Variants in TRMT44 observed in about 807,000 individuals in gnomAD.
The protein encoded by TRMT44 is tRNA methyltransferase 44 homolog, also known as probable tRNA (uracil-O(2)-)-methyltransferase.
A neutral mutation model predicts 77.3 loss-of-function variants in TRMT44; 78 were observed. That is an observed-to-expected ratio of 1.01 (90% CI 0.84 to 1.22). TRMT44 has a LOEUF of 1.22. Among genes scored for constraint, TRMT44 ranks in the 50% most tolerant of loss-of-function variants. The probability of loss-of-function intolerance (pLI) is 0.00; values close to 1 mark genes in which losing one functional copy is unlikely to be tolerated. For synonymous variants in TRMT44, 391 were observed against 383.3 expected (o/e 1.02, Z -0.23); for missense variants, 1,090 against 964.4 (o/e 1.13, Z -1.73).
chr4:8,488,092 A>C (rs13105907), intron 2 of TRMT44, among the ~76,000 whole-genome samples: 16,319 of 152,206 alleles, frequency 0.11, 861 homozygotes, highest in Middle Eastern at 0.13. Context: ...GTTGGAGAAG[A>C]GAGTAAAAAG....
chr4:8,487,627 G>A (rs1020106402), intron 2 of TRMT44, among the ~76,000 whole-genome samples: 22 of 151,540 alleles, frequency 1.5e-4, no homozygotes, highest in African/African-American at 3.4e-4. Flanking sequence ...ATAAGAGGTC[G>A]GGGCGTGGAA....
chr4:8,495,696 C>T (rs1177392209), downstream of TRMT44, among the ~76,000 whole-genome samples: 1 of 149,628 alleles, frequency 6.7e-6, no homozygotes, highest in East Asian at 1.9e-4. Context: ...CAGCGCACAC[C>T]CTGTCCTTGT....
intron 6 of TRMT44, among the ~76,000 whole-genome samples, chr4:8,459,921 C>T (rs763854813): frequency 8.5e-5 from 13 of 152,072 alleles, no homozygotes; most frequent in African/African-American, 2.2e-4. Context: ...GTGTAGTGGC[C>T]GCCGCTGGAG....
At chr4:8,477,773 C>G (rs1000050789), downstream of TRMT44, 1 of 152,574 alleles carries the variant, frequency 6.6e-6, no homozygotes, top group African/African-American at 2.4e-5. Context: ...GCCCCTCGGC[C>G]CCCCAGTCCT....
chr4:8,454,655 C>A, intron 5 of TRMT44, 87 bp from the exon 6 acceptor site: 2 of 1,274,692 alleles, frequency 1.6e-6, no homozygotes, highest in Non-Finnish European at 2.3e-6. Context: ...GTCCTGCTGG[C>A]AGTGCCTGCA....
the TRMT44 span, among the ~76,000 whole-genome samples, chr4:8,516,534 C>A: frequency 6.6e-6 from 1 of 152,238 alleles, no homozygotes; most frequent in Non-Finnish European, 1.5e-5. Flanking sequence ...CATCTCAGCA[C>A]TTTCGGAGGT....
chr4:8,492,330 C>T (rs1003125884), intron 2 of TRMT44, among the ~76,000 whole-genome samples: 2 of 152,194 alleles, frequency 1.3e-5, no homozygotes, highest in African/African-American at 4.8e-5. Context: ...TTCCTTTCAA[C>T]ATCAAAAACA....
Position 8,447,731 on chromosome 4 carries a change from C to T in TRMT44, c.734+1141C>T, listed in dbSNP as rs559030415. On this transcript the variant is annotated intron_variant, in intron 2 of 10. Coordinates refer to ENST00000389737, the MANE Select transcript of TRMT44 (RefSeq NM_152544.3). ...TTTGAGAACCATCCAGAGGTTGCCC[C>T]GAGTTGTCAGGGGATCCTGCCCTGA... 5.3e-5 allele frequency among the ~76,000 whole-genome samples: 8 copies of T among 152,302 alleles called. No individual in the cohort carries two copies. The East Asian group carries it at 1.5e-3, about 29-fold the overall frequency.
chr4:8,477,721 C>T (rs2688221), downstream of TRMT44: 52,708 of 152,486 alleles, frequency 0.35, 9,928 homozygotes, highest in South Asian at 0.46. Context: ...TTTTGTTGCT[C>T]AGCACATCCA....
the TRMT44 span, among the ~76,000 whole-genome samples, chr4:8,512,993 A>C: frequency 2.6e-5 from 4 of 152,120 alleles, no homozygotes; most frequent in East Asian, 7.7e-4. Context: ...GCTCACTGCA[A>C]CCTCCGCCTC....
chr4:8,475,980 C>T lies in TRMT44; in HGVS notation c.2253C>T (p.Thr751=), dbSNP rs1727358812. ...GPAELRPPRT[T]PRKKIS is the part of the protein sequence containing the mutation. The stretch of plus-strand genomic sequence containing the variant: ...CGGAGCTGCGGCCACCCCGGACCAC[C>T]CCGAGGAAGAAGATTTCATGAGCTG... The change falls in exon 11 of 11, where the codon ACC becomes ACT. Residue 751 remains threonine (T), a synonymous_variant. Transcript: ENST00000389737. 6.2e-6 allele frequency: 10 copies of T among 1,613,962 alleles called. No individual in the cohort carries two copies. In the East Asian group the frequency reaches 1.8e-4, roughly 29 times the overall value.
chr4:8,514,524 G>T, the TRMT44 span, among the ~76,000 whole-genome samples: 7 of 151,950 alleles, frequency 4.6e-5, no homozygotes, highest in Non-Finnish European at 1.0e-4. Context: ...TGATCCGCCC[G>T]CCTCAGCCTC....
chr4:8,472,637 G>A (rs1312900013), intron 10 of TRMT44, among the ~76,000 whole-genome samples: 3 of 152,210 alleles, frequency 2.0e-5, no homozygotes, highest in Non-Finnish European at 4.4e-5. Context: ...TTGGCTTTCA[G>A]CTGAACTGGC....
At chr4:8,506,718 T>C in the TRMT44 span, 8 of 152,342 alleles carry the variant, frequency 5.3e-5, no homozygotes, top group African/African-American at 1.9e-4. Flanking sequence ...AGGAGGCTGC[T>C]GGCCCCGCGT....
In TRMT44 at chr4:8,461,200, T is replaced by C. The variant is rs1726130315; in HGVS notation, c.1204-2785T>C. Among the ~76,000 whole-genome samples the C allele has an allele frequency of 6.6e-6, 1 of 152,152 alleles. No homozygotes were observed. Among genetic ancestry groups the C allele is most frequent in the African/African-American group, 2.4e-5 (1 of 41,440 alleles). Reference sequence around the variant, plus strand: ...TACTCTTTGCTTTGTTTTACAGTGATTGGCAGTTGCTTGTCCACTCATACA... The same window carrying C: ...TACTCTTTGCTTTGTTTTACAGTGACTGGCAGTTGCTTGTCCACTCATACA... On this transcript the variant is annotated intron_variant, in intron 6 of 10. Transcript: ENST00000389737. The surrounding 1 kb of genome is among the most constrained non-coding windows in gnomAD (Gnocchi z 4.6).
rs1375560152 is a variant in TRMT44, at chr4:8,461,984, A to G, written c.1204-2001A>G. On this transcript the variant is annotated intron_variant, in intron 6 of 10. Coordinates refer to ENST00000389737, the MANE Select transcript of TRMT44 (RefSeq NM_152544.3). This position sits in a 1 kb window ranked among gnomAD's most constrained non-coding sequence, Gnocchi z 4.6. ...AAAACCTCATTTGATTGCAAGCAAG[A>G]GAGTGTTAAAAAACTAAAAACAAAA... Among the ~76,000 whole-genome samples, 4 of 152,228 alleles carry G rather than the reference A, an allele frequency of 2.6e-5. No individual in the cohort carries two copies. Among genetic ancestry groups the G allele is most frequent in the Non-Finnish European group, 5.9e-5 (4 of 68,034 alleles).
chr4:8,483,225 A>G (rs1727683009), intron 2 of TRMT44, among the ~76,000 whole-genome samples: 1 of 152,246 alleles, frequency 6.6e-6, no homozygotes, highest in Non-Finnish European at 1.5e-5. Context: ...TAGTCCTGCC[A>G]GCAAAGATTA....
chr4:8,471,241 T>C, intron 10 of TRMT44, 41 bp downstream of exon 10: 4 of 1,329,176 alleles, frequency 3.0e-6, no homozygotes, highest in Non-Finnish European at 4.2e-6. Context: ...TTCCTTCTTT[T>C]TCCCCCTTTT....
intron 2 of TRMT44, among the ~76,000 whole-genome samples, chr4:8,483,280 C>T (rs531020702): frequency 3.9e-5 from 6 of 152,162 alleles, no homozygotes; most frequent in African/African-American, 1.2e-4. Flanking sequence ...GGGATAGCAC[C>T]AGGAGATATC....
Sources: allele counts gnomAD v4.1 joint callset (sites outside exome capture counted in the v4.1 genomes callset), GRCh38; gene constraint gnomAD v4.1.1; non-coding constraint Gnocchi (gnomAD v3.1); transcripts MANE v1.5; gene names NCBI Gene and HGNC (gene_info 2026-07-23, HGNC 2026-07-21).